DPP10: variants seen among roughly 807,000 people sequenced by gnomAD.
DPP10 encodes the protein inactive dipeptidyl peptidase 10.
A neutral mutation model predicts 120.9 loss-of-function variants in DPP10; 33 were observed. That is an observed-to-expected ratio of 0.27 (90% CI 0.21 to 0.37). The LOEUF is 0.37. Ranked by LOEUF, DPP10 falls within the 10% of genes least tolerant of loss-of-function variation. The pLI is 1.00. For synonymous variants in DPP10, 337 were observed against 326.1 expected, an observed-to-expected ratio of 1.03 and a Z score of -0.36; for missense variants, 816 against 942.8, an observed-to-expected ratio of 0.87 and a Z score of 1.76.
chr2:115,157,902 C>A (rs2052031757), intron 1 of DPP10, among the ~76,000 whole-genome samples: 1 of 152,178 alleles, frequency 6.6e-6, no homozygotes, highest in African/African-American at 2.4e-5. Context: ...TTACATGACA[C>A]TGCAGATTTA....
intron 1 of DPP10, among the ~76,000 whole-genome samples, chr2:114,759,399 C>T (rs2106091615): frequency 6.6e-6 from 1 of 152,150 alleles, no homozygotes; most frequent in African/African-American, 2.4e-5. Context: ...TCTTATCTTT[C>T]AGACAGTGGA....
intron 1 of DPP10, among the ~76,000 whole-genome samples, chr2:115,067,591 C>T (rs1437249906): frequency 3.7e-5 from 5 of 136,856 alleles, no homozygotes; most frequent in East Asian, 5.3e-4. Context: ...TGGCCGGGCG[C>T]GGTGGCTCAC....
chr2:115,306,141 A>C (rs1396637626), intron 1 of DPP10, among the ~76,000 whole-genome samples: 3 of 152,082 alleles, frequency 2.0e-5, no homozygotes, highest in African/African-American at 7.2e-5. Flanking sequence ...GCAGTCTCCT[A>C]GCTCTCAAGT....
At chr2:114,878,195 G>A (rs559942088) in intron 1 of DPP10, among the ~76,000 whole-genome samples, 1 of 151,888 alleles carries the variant, frequency 6.6e-6, no homozygotes, top group African/African-American at 2.4e-5. Context: ...TCACTCAAAC[G>A]GATTGATTAG....
At chr2:114,635,636 G>A (rs1695249545) in intron 1 of DPP10, among the ~76,000 whole-genome samples, 1 of 151,816 alleles carries the variant, frequency 6.6e-6, no homozygotes, top group Non-Finnish European at 1.5e-5. Context: ...TATCATGGTA[G>A]ATTGAACACA....
At chr2:115,237,901 C>T (rs141551912) in intron 1 of DPP10, among the ~76,000 whole-genome samples, 18 of 152,288 alleles carry the variant, frequency 1.2e-4, no homozygotes, top group African/African-American at 3.6e-4. Context: ...AGGAAAGACA[C>T]TGTCTCCATA....
intron 1 of DPP10, among the ~76,000 whole-genome samples, chr2:114,817,200 T>C (rs549683476): frequency 1.4e-4 from 21 of 151,912 alleles, no homozygotes; most frequent in African/African-American, 5.1e-4. Flanking sequence ...ACTGGCAAAA[T>C]GAGGCAGCCT....
chr2:115,722,603 T>C (rs1279170711), intron 7 of DPP10, among the ~76,000 whole-genome samples: 2 of 152,068 alleles, frequency 1.3e-5, no homozygotes, highest in Admixed American at 6.5e-5. Context: ...TTGAATATTG[T>C]GGGCAACTGC....
At chr2:115,775,659 G>A (rs1208045085) in intron 13 of DPP10, among the ~76,000 whole-genome samples, 1 of 151,934 alleles carries the variant, frequency 6.6e-6, no homozygotes, top group Admixed American at 6.6e-5. Context: ...GAAAAAATAT[G>A]GCATGTCTTT....
At chr2:115,723,627 T>TTTG (rs1553489194) in intron 7 of DPP10, among the ~76,000 whole-genome samples, 1 of 151,248 alleles carries the variant, frequency 6.6e-6, no homozygotes, top group African/African-American at 2.4e-5. Flanking sequence ...TTTTTGTTTT[T>TTTG]TTTTTTTTTT....
At chr2:114,927,051 G>T (rs977883190) in intron 1 of DPP10, among the ~76,000 whole-genome samples, 1 of 151,814 alleles carries the variant, frequency 6.6e-6, no homozygotes, top group Non-Finnish European at 1.5e-5. Flanking sequence ...GGGTTTCACT[G>T]TGTTAGCCAG....
At chr2:115,314,508 T>C (rs1447871781) in intron 2 of DPP10, among the ~76,000 whole-genome samples, 1 of 152,170 alleles carries the variant, frequency 6.6e-6, no homozygotes, top group African/African-American at 2.4e-5. Flanking sequence ...CTTTGCAGGT[T>C]TATCAGAATA....
chr2:114,872,284 G>A (rs746106855), intron 1 of DPP10, among the ~76,000 whole-genome samples: 4 of 152,090 alleles, frequency 2.6e-5, no homozygotes, highest in Admixed American at 1.3e-4. Context: ...AGTGCTCAGC[G>A]GAGGGGGAGA....
chr2:115,718,660 T>C (rs1214178652), intron 7 of DPP10, among the ~76,000 whole-genome samples: 7 of 152,186 alleles, frequency 4.6e-5, no homozygotes. Context: ...CATATCTGTA[T>C]TAATTTGTGT....
chr2:115,260,385 A>G (rs1233820795), intron 1 of DPP10, among the ~76,000 whole-genome samples: 1 of 152,098 alleles, frequency 6.6e-6, no homozygotes, highest in Non-Finnish European at 1.5e-5. Flanking sequence ...TACTATTCCT[A>G]AACCAAGAAA....
chr2:114,477,324 C>A (rs115535723), intron 1 of DPP10, among the ~76,000 whole-genome samples: 4 of 151,928 alleles, frequency 2.6e-5, no homozygotes, highest in Non-Finnish European at 4.4e-5. Context: ...GAGATCCATA[C>A]GTACTTTTGG....
intron 10 of DPP10, 90 bp downstream of exon 10, chr2:115,746,273 C>G (rs1272780112): frequency 9.0e-7 from 1 of 1,106,870 alleles, no homozygotes; most frequent in Non-Finnish European, 1.3e-6. Context: ...ATGTGATCAG[C>G]TCAACAAATC....
intron 1 of DPP10, among the ~76,000 whole-genome samples, chr2:115,298,702 T>G (rs1349238351): frequency 6.6e-6 from 1 of 152,030 alleles, no homozygotes; most frequent in Non-Finnish European, 1.5e-5. Context: ...GGAGAGCCTG[T>G]TAAAAGTGGC....
At chr2:114,993,177 C>G (rs1462421845) in intron 1 of DPP10, among the ~76,000 whole-genome samples, 1 of 152,170 alleles carries the variant, frequency 6.6e-6, no homozygotes, top group Non-Finnish European at 1.5e-5. Flanking sequence ...AAAATGATCA[C>G]TCACTCACTG....
Sources: allele counts gnomAD v4.1 joint callset (sites outside exome capture counted in the v4.1 genomes callset), GRCh38; gene constraint gnomAD v4.1.1; transcripts MANE v1.5; gene names NCBI Gene and HGNC (gene_info 2026-07-23, HGNC 2026-07-21).